EPHB2: variants seen among roughly 807,000 people sequenced by gnomAD.
EPHB2 encodes the protein EPH receptor B2, also known as ephrin type-B receptor 2.
Under a neutral mutation model 96.4 loss-of-function variants are expected in EPHB2, and 18 were observed. That is an observed-to-expected ratio of 0.19 (90% CI 0.13 to 0.28). The LOEUF is 0.28. Among genes scored for constraint, EPHB2 ranks in the 10% least tolerant of loss-of-function variants. The pLI, the probability that EPHB2 is intolerant of heterozygous loss-of-function variation, is 1.00. For synonymous variants in EPHB2, 506 were observed against 534.1 expected (o/e 0.95, Z 0.72); for missense variants, 989 against 1,355.4 (o/e 0.73, Z 4.25).
In EPHB2 at chr1:22,760,328, G is replaced by GGTGGGCTGGGGAAGACT. The variant is rs1335653940; in HGVS notation, c.62-21085_62-21069dup. ...AGCTGAGCAGAATTTTGGCAAATAG[G>GGTGGGCTGGGGAAGACT]GTGGGCTGGGGAAGACTGTGGGCTA... is the stretch of plus-strand genomic sequence containing the variant. On this transcript the variant is annotated intron_variant, in intron 1 of 15. Coordinates refer to ENST00000374630, the MANE Select transcript of EPHB2 (RefSeq NM_017449.5). Among the ~76,000 whole-genome samples, 5 of 152,256 alleles carry GGTGGGCTGGGGAAGACT rather than the reference G, an allele frequency of 3.3e-5. No homozygotes were observed. In the East Asian group the frequency reaches 5.8e-4, roughly 18 times the overall value.
At chr1:22,839,427 G>A (rs898782671) in intron 3 of EPHB2, among the ~76,000 whole-genome samples, 2 of 152,312 alleles carry the variant, frequency 1.3e-5, no homozygotes, top group African/African-American at 4.8e-5. Flanking sequence ...CCAAAGATGA[G>A]TAAGGCCTGG....
At chr1:22,911,972 TAC>T (rs1557754054) in intron 14 of EPHB2, among the ~76,000 whole-genome samples, 1 of 152,190 alleles carries the variant, frequency 6.6e-6, no homozygotes, top group Non-Finnish European at 1.5e-5. Context: ...GCTTTGGAGA[TAC>T]AGTCTCTGGA....
chr1:22,742,578 ACTG>A (rs1454602394), intron 1 of EPHB2, among the ~76,000 whole-genome samples: 1 of 151,996 alleles, frequency 6.6e-6, no homozygotes, highest in African/African-American at 2.4e-5. Flanking sequence ...ATCATAGTTC[ACTG>A]CTGCAGCCTT....
At chr1:22,872,948 CCCTGGG>C (rs2148537965) in intron 5 of EPHB2, among the ~76,000 whole-genome samples, 1 of 152,366 alleles carries the variant, frequency 6.6e-6, no homozygotes, top group East Asian at 1.9e-4. Context: ...GCACTTCCCT[CCCTGGG>C]CCGAGCCCTC....
At chr1:22,861,852 G>A (rs1638268042) in intron 3 of EPHB2, among the ~76,000 whole-genome samples, 1 of 152,222 alleles carries the variant, frequency 6.6e-6, no homozygotes, top group Non-Finnish European at 1.5e-5. Context: ...GTCCAGAGAA[G>A]CTGAGTCACT....
At chr1:22,869,918 T>C (rs894410320) in intron 5 of EPHB2, among the ~76,000 whole-genome samples, 2 of 152,188 alleles carry the variant, frequency 1.3e-5, no homozygotes, top group Non-Finnish European at 2.9e-5. Context: ...GGTCTGCTTT[T>C]CCTCACCATG....
At chr1:22,782,173 C>T (rs1168755030) in intron 2 of EPHB2, among the ~76,000 whole-genome samples, 1 of 152,146 alleles carries the variant, frequency 6.6e-6, no homozygotes, top group Non-Finnish European at 1.5e-5. Flanking sequence ...TGGGGCACTT[C>T]CTTAATCTCT....
At chr1:22,719,126 G>A (rs1643369631) in intron 1 of EPHB2, among the ~76,000 whole-genome samples, 1 of 152,112 alleles carries the variant, frequency 6.6e-6, no homozygotes, top group Admixed American at 6.5e-5. Flanking sequence ...ATGTTGTAAG[G>A]GGCGCCTCCA....
chr1:22,795,841 G>A (rs1644759108), intron 3 of EPHB2, among the ~76,000 whole-genome samples: 1 of 152,076 alleles, frequency 6.6e-6, no homozygotes, highest in Non-Finnish European at 1.5e-5. Flanking sequence ...TCTCTAAGAT[G>A]TCCAATCAGA....
intron 8 of EPHB2, 59 bp downstream of exon 8, chr1:22,895,639 T>C: frequency 6.9e-7 from 1 of 1,447,708 alleles, no homozygotes; most frequent in South Asian, 1.1e-5. Context: ...TCTCTCTCTC[T>C]ATTCAGTCAT....
intron 1 of EPHB2, among the ~76,000 whole-genome samples, chr1:22,776,941 C>A (rs1413173622): frequency 6.6e-6 from 1 of 152,226 alleles, no homozygotes; most frequent in African/African-American, 2.4e-5. Flanking sequence ...CCAGCACCAC[C>A]TCTCAGGGGA....
rs146035939 is a variant in EPHB2, at chr1:22,844,987, C to A, written c.812-18050C>A. On this transcript the variant is annotated intron_variant, in intron 3 of 15. Coordinates refer to ENST00000374630, the MANE Select transcript of EPHB2 (RefSeq NM_017449.5). ...CTCCTGGCCAGGCCACTTGAATGCT[C>A]AGAGCCTCAGTTTCCTCAGCTATAA... Among the ~76,000 whole-genome samples, 31 of 152,346 alleles carry A rather than the reference C, an allele frequency of 2.0e-4. No homozygotes were observed. In the East Asian group the frequency reaches 6.0e-3, roughly 29 times the overall value.
chr1:22,736,805 C>T (rs1643841870), intron 1 of EPHB2, among the ~76,000 whole-genome samples: 2 of 152,150 alleles, frequency 1.3e-5, no homozygotes, highest in South Asian at 4.1e-4. Context: ...GGGGGTCACC[C>T]TGCCTAGGAG....
At chr1:22,778,023 T>TTTGG (rs1054726933) in intron 1 of EPHB2, among the ~76,000 whole-genome samples, 1 of 137,500 alleles carries the variant, frequency 7.3e-6, no homozygotes, top group Non-Finnish European at 1.6e-5. Context: ...TGTTTGTTTG[T>TTTGG]TTTGTTTTGT....
intron 1 of EPHB2, among the ~76,000 whole-genome samples, chr1:22,741,754 C>CAAT (rs1322183658): frequency 7.4e-5 from 11 of 148,496 alleles, no homozygotes; most frequent in Middle Eastern, 3.6e-3. Context: ...AAAACAAGGG[C>CAAT]AATAATAGTT....
intron 7 of EPHB2, among the ~76,000 whole-genome samples, chr1:22,893,644 C>G (rs1325544161): frequency 1.3e-5 from 2 of 152,172 alleles, no homozygotes; most frequent in Non-Finnish European, 2.9e-5. Context: ...AATGAGGATT[C>G]CATTTCTGAT....
At chr1:22,859,960 C>T (rs968697336) in intron 3 of EPHB2, among the ~76,000 whole-genome samples, 8 of 152,180 alleles carry the variant, frequency 5.3e-5, no homozygotes, top group East Asian at 1.9e-4. Context: ...TTGGCAACCA[C>T]GCATCGACTT....
At chr1:22,791,341 T>C (rs1158636938) in intron 3 of EPHB2, among the ~76,000 whole-genome samples, 2 of 152,086 alleles carry the variant, frequency 1.3e-5, no homozygotes, top group African/African-American at 4.8e-5. Context: ...ATAAGCACTG[T>C]GAAACAAACT....
intron 3 of EPHB2, among the ~76,000 whole-genome samples, chr1:22,793,374 G>A (rs767097261): frequency 3.9e-5 from 6 of 152,122 alleles, no homozygotes; most frequent in Non-Finnish European, 8.8e-5. Flanking sequence ...TACAGACTTG[G>A]GGTGCTTAGG....
Sources: gnomAD v4.1 joint callset for allele counts (sites outside exome capture counted in the v4.1 genomes callset) on GRCh38, gnomAD v4.1.1 for gene constraint, MANE v1.5 for transcripts, NCBI Gene and HGNC (gene_info 2026-07-23, HGNC 2026-07-21) for gene names.